ADAM12: variants seen among roughly 807,000 people sequenced by gnomAD.
ADAM12 encodes disintegrin and metalloproteinase domain-containing protein 12.
In ADAM12, 70 loss-of-function variants were observed where a neutral mutation model predicts 106.4. That is an observed-to-expected ratio of 0.66 (90% CI 0.54 to 0.80). ADAM12 has a LOEUF of 0.80. Ranked by LOEUF, ADAM12 falls within the 30% of genes least tolerant of loss-of-function variation. The probability of loss-of-function intolerance (pLI) is 0.00; values close to 1 mark genes in which losing one functional copy is unlikely to be tolerated. For synonymous variants in ADAM12, 420 were observed against 433.5 expected, an observed-to-expected ratio of 0.97 and a Z score of 0.39; for missense variants, 1,010 against 1,171.9, an observed-to-expected ratio of 0.86 and a Z score of 2.02.
intron 1 of ADAM12, among the ~76,000 whole-genome samples, chr10:126,375,168 C>A (rs966584638): frequency 2.0e-5 from 3 of 150,238 alleles, no homozygotes; most frequent in South Asian, 2.2e-4. Flanking sequence ...AGGGAATTTG[C>A]TACTCAGAGA....
intron 4 of ADAM12, among the ~76,000 whole-genome samples, chr10:126,154,800 A>G (rs1254722125): frequency 1.3e-5 from 2 of 152,200 alleles, no homozygotes; most frequent in Admixed American, 6.5e-5. Flanking sequence ...AATCGTATCC[A>G]CATTGTGGAT....
rs140216044 is a variant in ADAM12 at position 126,202,707 on chromosome 10, C to T, written c.261-47402G>A. Among the ~76,000 whole-genome samples the T allele has an allele frequency of 2.4e-4, 36 of 152,186 alleles. No individual in the cohort carries two copies. In the East Asian group the frequency reaches 4.4e-3, roughly 19 times the overall value. On this transcript the variant is annotated intron_variant, in intron 3 of 22. Transcript: ENST00000448723. ...AACTACTCACAACGTACAATTTTGCCGGGGCCAAGAGGCAAAAGAGCTTCA... is the reference window on the plus strand; with the variant it reads ...AACTACTCACAACGTACAATTTTGCTGGGGCCAAGAGGCAAAAGAGCTTCA...
In ADAM12 at chr10:126,289,472, C is replaced by T. The variant is rs117245548; in HGVS notation, c.187-10484G>A. 2.4e-3 allele frequency among the ~76,000 whole-genome samples: 369 copies of T among 152,310 alleles called. 1 individual carries two copies. The highest frequency in any genetic ancestry group is 7.9e-3 in the African/African-American group (328 of 41,566). ...ACCAGCCCCTTGCAACGTTCAGTGT[C>T]GATGCCAGCTGCACTGGAAAGCAGG... On this transcript the variant is annotated intron_variant, in intron 2 of 22. Coordinates refer to ENST00000448723, the MANE Select transcript of ADAM12 (RefSeq NM_001288973.2).
chr10:126,252,213 AGATG>A (rs1958798999), intron 3 of ADAM12, among the ~76,000 whole-genome samples: 1 of 139,706 alleles, frequency 7.2e-6, no homozygotes, highest in South Asian at 2.4e-4. Context: ...TGGATGGATT[AGATG>A]GATGGATGGA....
chr10:126,240,686 G>A (rs182563802), intron 3 of ADAM12, among the ~76,000 whole-genome samples: 167 of 152,274 alleles, frequency 1.1e-3, no homozygotes, highest in African/African-American at 3.7e-3. Context: ...GTGATCCTGC[G>A]GTGAAAGAGA....
intron 1 of ADAM12, among the ~76,000 whole-genome samples, chr10:126,358,885 C>T (rs2133899554): frequency 6.6e-6 from 1 of 152,194 alleles, no homozygotes; most frequent in East Asian, 1.9e-4. Flanking sequence ...AGAGAAGAAT[C>T]CTGTATTAGT....
intron 3 of ADAM12, among the ~76,000 whole-genome samples, chr10:126,233,353 G>A (rs1958350356): frequency 6.6e-6 from 1 of 152,202 alleles, no homozygotes; most frequent in Non-Finnish European, 1.5e-5. Context: ...CTGAGGGACT[G>A]TGCCGGATAC....
At chr10:126,097,311 G>A (rs1955575820) in intron 10 of ADAM12, among the ~76,000 whole-genome samples, 1 of 152,052 alleles carries the variant, frequency 6.6e-6, no homozygotes, top group African/African-American at 2.4e-5. Context: ...GGGCCTCCAG[G>A]TCCACAGAAA....
intron 3 of ADAM12, among the ~76,000 whole-genome samples, chr10:126,258,505 C>A (rs1379692379): frequency 6.6e-6 from 1 of 152,202 alleles, no homozygotes; most frequent in Non-Finnish European, 1.5e-5. Context: ...CTTAAAACAC[C>A]CATTTCAATC....
chr10:126,044,078 T>C (rs1210463043), intron 17 of ADAM12, among the ~76,000 whole-genome samples: 1 of 152,154 alleles, frequency 6.6e-6, no homozygotes, highest in Non-Finnish European at 1.5e-5. Flanking sequence ...TAACTGAAAG[T>C]ACATGATCCA....
chr10:126,206,256 G>A (rs1310577838), intron 3 of ADAM12, among the ~76,000 whole-genome samples: 2 of 152,124 alleles, frequency 1.3e-5, no homozygotes, highest in Non-Finnish European at 2.9e-5. Context: ...GAATCTTTCT[G>A]ACCCTTTCTA....
intron 5 of ADAM12, among the ~76,000 whole-genome samples, chr10:126,128,852 T>C (rs1478599361): frequency 1.4e-5 from 2 of 146,306 alleles, no homozygotes; most frequent in African/African-American, 5.1e-5. Flanking sequence ...TGGGAATGTG[T>C]GCAAGTGGGC....
At chr10:126,274,451 C>T (rs576624238) in intron 3 of ADAM12, among the ~76,000 whole-genome samples, 4 of 152,278 alleles carry the variant, frequency 2.6e-5, no homozygotes, top group African/African-American at 9.6e-5. Context: ...TAACAAATTT[C>T]CTTCTGAACT....
chr10:126,311,094 T>TACACACACACACACACACACACAC (rs67514376), intron 2 of ADAM12, among the ~76,000 whole-genome samples: 2 of 138,452 alleles, frequency 1.4e-5, no homozygotes, highest in Non-Finnish European at 1.6e-5. Context: ...TACACACAAA[T>TACACACACACACACACACACACAC]ACACACACAC....
chr10:126,268,644 C>G (rs528862196), intron 3 of ADAM12, among the ~76,000 whole-genome samples: 1 of 152,274 alleles, frequency 6.6e-6, no homozygotes, highest in South Asian at 2.1e-4. Context: ...CTCAAGAAAA[C>G]AGAGCTGTGA....
chr10:126,244,220 A>G (rs570263610), intron 3 of ADAM12, among the ~76,000 whole-genome samples: 17 of 152,328 alleles, frequency 1.1e-4, no homozygotes, highest in Admixed American at 8.5e-4. Context: ...ATTCAAAGGA[A>G]GCGAATGGCC....
At chr10:126,241,905 A>G (rs955174249) in intron 3 of ADAM12, among the ~76,000 whole-genome samples, 12 of 151,610 alleles carry the variant, frequency 7.9e-5, no homozygotes, top group African/African-American at 2.9e-4. Flanking sequence ...TATAAATGCT[A>G]TTTGGAATTC....
Position 126,331,802 on chromosome 10 carries a change from C to A in ADAM12, c.89-1293G>T, listed in dbSNP as rs1038305973. On this transcript the variant is annotated intron_variant, in intron 1 of 22. Coordinates refer to ENST00000448723, the MANE Select transcript of ADAM12 (RefSeq NM_001288973.2). ...ATGGGCTGAGTCTTCAGGGATGAAC[C>A]TGCATTCAAGCGAGAAGGGTTCTGG... Among the ~76,000 whole-genome samples, 3 of 152,272 alleles carry A rather than the reference C, an allele frequency of 2.0e-5. No individual in the cohort carries two copies. In the South Asian group the frequency reaches 6.2e-4, roughly 32 times the overall value.
intron 1 of ADAM12, among the ~76,000 whole-genome samples, chr10:126,383,809 G>T (rs994270495): frequency 3.3e-5 from 5 of 152,052 alleles, no homozygotes; most frequent in Admixed American, 2.6e-4. Flanking sequence ...TTTATACAAG[G>T]TATGCCAGAG....
Sources: gnomAD v4.1 joint callset for allele counts (sites outside exome capture counted in the v4.1 genomes callset) on GRCh38, gnomAD v4.1.1 for gene constraint, MANE v1.5 for transcripts, NCBI Gene and HGNC (gene_info 2026-07-23, HGNC 2026-07-21) for gene names.